The following KIAA1958 variants were observed in gnomAD, a reference collection of about 807,000 sequenced individuals.
KIAA1958 encodes the protein uncharacterized protein KIAA1958.
In KIAA1958, 14 loss-of-function variants were observed where a neutral mutation model predicts 47.2. The observed-to-expected ratio is 0.30, with a 90% CI of 0.20 to 0.46. KIAA1958 has a LOEUF of 0.46. KIAA1958 is among the 20% of genes least tolerant of loss of function. The probability of loss-of-function intolerance (pLI) is 1.00; values close to 1 mark genes in which losing one functional copy is unlikely to be tolerated. For synonymous variants in KIAA1958, 354 were observed against 353.3 expected (o/e 1.00, Z -0.02); for missense variants, 803 against 909.2 (o/e 0.88, Z 1.50).
chr9:112,618,902 T>G lies in KIAA1958; in HGVS notation c.1172-26748T>G, dbSNP rs1229051210. 1.3e-6 allele frequency: 2 copies of G among 1,537,236 alleles called. No homozygotes were observed. Among genetic ancestry groups the G allele is most frequent in the Admixed American group, 4.0e-5 (2 of 50,620 alleles). Reference sequence around the variant, plus strand: ...CGTCTCCGCCTCCTATGACTCTTCCTCAGACACCGCTTGACCAGGTGGCTT... The same window carrying G: ...CGTCTCCGCCTCCTATGACTCTTCCGCAGACACCGCTTGACCAGGTGGCTT... On this transcript the variant is annotated intron_variant, in intron 2 of 3. Coordinates refer to ENST00000337530, the MANE Select transcript of KIAA1958 (RefSeq NM_133465.4). The surrounding 1 kb of genome is among the most constrained non-coding windows in gnomAD (Gnocchi z 7.1).
rs559584950 is a variant in KIAA1958 at position 112,559,915 on chromosome 9, T to G, written c.-24-14142T>G. Reference sequence around the variant, plus strand: ...GTCATCACATGGGGAACAATTTTAGTGAGTGGAATGCCATTGCAATTCATT... The same window carrying G: ...GTCATCACATGGGGAACAATTTTAGGGAGTGGAATGCCATTGCAATTCATT... On this transcript the variant is annotated intron_variant, in intron 1 of 3. Transcript: ENST00000337530. Among the ~76,000 whole-genome samples the G allele has an allele frequency of 1.6e-4, 25 of 152,302 alleles. 1 individual carries two copies. The highest frequency in any genetic ancestry group is 6.5e-5 in the Admixed American group (1 of 15,296).
chr9:112,657,940 T>C (rs920571611), intron 3 of KIAA1958, among the ~76,000 whole-genome samples: 1 of 151,702 alleles, frequency 6.6e-6, no homozygotes, highest in Non-Finnish European at 1.5e-5. Flanking sequence ...CACTGTGACC[T>C]CCACCTTCCC....
At chr9:112,564,242 T>G (rs773801240) in intron 1 of KIAA1958, among the ~76,000 whole-genome samples, 2 of 152,238 alleles carry the variant, frequency 1.3e-5, no homozygotes, top group Admixed American at 6.5e-5. Flanking sequence ...TGATAGAATT[T>G]ACCAGTGAAA....
intron 2 of KIAA1958, among the ~76,000 whole-genome samples, chr9:112,584,294 A>G (rs1221825647): frequency 6.6e-6 from 1 of 152,242 alleles, no homozygotes; most frequent in Non-Finnish European, 1.5e-5. Context: ...TGATATATAT[A>G]TAGATTAAGT....
At chr9:112,644,625 G>A (rs1373420707) in intron 2 of KIAA1958, among the ~76,000 whole-genome samples, 1 of 152,006 alleles carries the variant, frequency 6.6e-6, no homozygotes, top group Non-Finnish European at 1.5e-5. Context: ...AATTGGACAT[G>A]TTGAGACCTG....
At chr9:112,584,285 G>GAT (rs1485404134) in intron 2 of KIAA1958, among the ~76,000 whole-genome samples, 13 of 151,776 alleles carry the variant, frequency 8.6e-5, no homozygotes, top group Admixed American at 2.6e-4. Context: ...CTATAGGGTT[G>GAT]ATATATATAT....
intron 1 of KIAA1958, among the ~76,000 whole-genome samples, chr9:112,496,523 A>T (rs565372475): frequency 1.3e-5 from 2 of 152,162 alleles, no homozygotes; most frequent in Non-Finnish European, 2.9e-5. Context: ...GAAATTGTGA[A>T]ATATCAGCAA....
chr9:112,492,213 T>G (rs375245689), intron 1 of KIAA1958, among the ~76,000 whole-genome samples: 9 of 152,344 alleles, frequency 5.9e-5, no homozygotes, highest in East Asian at 3.8e-4. Context: ...GCTAGAAGTA[T>G]AAGCTCAAAG....
chr9:112,557,953 G>A (rs991190890), intron 1 of KIAA1958, among the ~76,000 whole-genome samples: 1 of 152,130 alleles, frequency 6.6e-6, no homozygotes, highest in African/African-American at 2.4e-5. Flanking sequence ...GAGGCTGGGC[G>A]CAGTGGCTCA....
intron 2 of KIAA1958, among the ~76,000 whole-genome samples, chr9:112,613,511 T>C (rs1170723548): frequency 6.6e-6 from 1 of 152,154 alleles, no homozygotes; most frequent in African/African-American, 2.4e-5. Context: ...AAATTAGGAA[T>C]TCTTGTTTAT....
At chr9:112,634,591 A>G (rs1252029298) in intron 2 of KIAA1958, among the ~76,000 whole-genome samples, 1 of 152,158 alleles carries the variant, frequency 6.6e-6, no homozygotes, top group East Asian at 1.9e-4. Flanking sequence ...TTTTTAAAAA[A>G]TTTTTAAGTT....
intron 2 of KIAA1958, chr9:112,619,319 C>G (rs529032809): frequency 6.6e-6 from 1 of 152,300 alleles, no homozygotes; most frequent in East Asian, 1.9e-4. Flanking sequence ...TTTTTGTCTC[C>G]TTAATAAATG....
chr9:112,666,158 G>T lies in KIAA1958; in HGVS notation c.*6089G>T, dbSNP rs4979144. ...GGCTAATTTTTGTATTTTTAGTGGAGATGGGGTTTCATCATGTTGGCCAGG... is the reference window on the plus strand; with the variant it reads ...GGCTAATTTTTGTATTTTTAGTGGATATGGGGTTTCATCATGTTGGCCAGG... On this transcript the variant is annotated 3_prime_UTR_variant, in exon 4 of 4. Transcript: ENST00000337530. 12,355 of 152,026 alleles carry T rather than the reference G, an allele frequency of 0.081. 854 individuals are homozygous for T. Among genetic ancestry groups the T allele is most frequent in the African/African-American group, 0.18 (7,472 of 41,424 alleles). 9.4% of individuals were successfully genotyped at this position (152,026 alleles called of 1,614,324 possible).
Position 112,519,782 on chromosome 9 carries a change from G to T in KIAA1958, c.-25+32664G>T, listed in dbSNP as rs77580372. Among the ~76,000 whole-genome samples, 604 of 152,282 alleles carry T rather than the reference G, an allele frequency of 4.0e-3. 2 individuals are homozygous for T. Among genetic ancestry groups the T allele is most frequent in the African/African-American group, 0.014 (575 of 41,568 alleles). ...GCTGATGTACCTTTTGGAGTTCAAA[G>T]ACATTTTTGTACCAACTTGTTTCTG... On this transcript the variant is annotated intron_variant, in intron 1 of 3. Transcript: ENST00000337530.
In KIAA1958 at chr9:112,666,635, G is replaced by A. The variant is rs532395500; in HGVS notation, c.*6566G>A. 5 of 152,326 alleles carry A rather than the reference G, an allele frequency of 3.3e-5. No homozygotes were observed. Among genetic ancestry groups the A allele is most frequent in the Admixed American group, 6.5e-5 (1 of 15,292 alleles). 9.4% of individuals were successfully genotyped at this position (152,326 alleles called of 1,614,324 possible). A position where few individuals can be genotyped will look rare whatever the true frequency, so the allele number is the denominator to read the frequency against. On this transcript the variant is annotated 3_prime_UTR_variant, in exon 4 of 4. Coordinates refer to ENST00000337530, the MANE Select transcript of KIAA1958 (RefSeq NM_133465.4). ...ATTCTAGAATCTAGAAGGAATTGAT[G>A]TAATTTATGAGGCATATGGAGGTAG...
At chr9:112,649,727 A>G (rs1246950697) in intron 3 of KIAA1958, among the ~76,000 whole-genome samples, 1 of 152,236 alleles carries the variant, frequency 6.6e-6, no homozygotes, top group Non-Finnish European at 1.5e-5. Flanking sequence ...TTATTGAAAG[A>G]AAAATACTTT....
chr9:112,581,073 A>T (rs1281901648), intron 2 of KIAA1958, among the ~76,000 whole-genome samples: 1 of 152,228 alleles, frequency 6.6e-6, no homozygotes, highest in South Asian at 2.1e-4. Flanking sequence ...TTTTTTTCTC[A>T]GATCTCTTAG....
At chr9:112,658,262 C>A (rs11793496) in intron 3 of KIAA1958, among the ~76,000 whole-genome samples, 12,932 of 152,172 alleles carry the variant, frequency 0.085, 693 homozygotes, top group Non-Finnish European at 0.12. Context: ...AATCAAGGAG[C>A]ATTAACTTGC....
chr9:112,494,970 A>G (rs1377976512), intron 1 of KIAA1958, among the ~76,000 whole-genome samples: 1 of 145,156 alleles, frequency 6.9e-6, no homozygotes, highest in African/African-American at 2.6e-5. Context: ...CCCTTTTTTC[A>G]TTTTTTTTTC....
Sources: gnomAD v4.1 joint callset for allele counts (sites outside exome capture counted in the v4.1 genomes callset) on GRCh38, gnomAD v4.1.1 for gene constraint, Gnocchi (gnomAD v3.1) non-coding constraint, MANE v1.5 for transcripts, NCBI Gene and HGNC (gene_info 2026-07-23, HGNC 2026-07-21) for gene names.